Variants in TMEM63C observed in about 807,000 individuals in gnomAD.
TMEM63C encodes osmosensitive cation channel TMEM63C.
TMEM63C carries 32 observed loss-of-function variants against 99.2 expected under a neutral mutation model. The ratio of observed to expected loss-of-function variants is 0.32; its 90% CI spans 0.24 to 0.43. The LOEUF is 0.43. TMEM63C is among the 20% of genes least tolerant of loss of function. The pLI, the probability that TMEM63C is intolerant of heterozygous loss-of-function variation, is 1.00. For synonymous variants in TMEM63C, 376 were observed against 397.9 expected (o/e 0.94, Z 0.66); for missense variants, 826 against 1,053.0 (o/e 0.78, Z 2.98).
chr14:77,239,758 G>A, intron 12 of TMEM63C, 32 bp downstream of exon 12: 2 of 1,607,704 alleles, frequency 1.2e-6, no homozygotes, highest in Non-Finnish European at 1.7e-6. Flanking sequence ...AGCACAGCAA[G>A]GGAGCGGTGG....
At chr14:77,217,137 A>G (rs1876529) in intron 2 of TMEM63C, among the ~76,000 whole-genome samples, 125,927 of 150,468 alleles carry the variant, frequency 0.84, 52,598 homozygotes, top group South Asian at 0.91. Flanking sequence ...GTGAGGCTCT[A>G]TCTCTCTCTT....
Position 77,258,882 on chromosome 14 carries a change from C to G in TMEM63C, c.*2156C>G, listed in dbSNP as rs1260695990. 2.6e-5 allele frequency: 4 copies of G among 152,346 alleles called. No homozygotes were observed. The highest frequency in any genetic ancestry group is 9.6e-5 in the African/African-American group (4 of 41,458). 9.4% of individuals were successfully genotyped at this position (152,346 alleles called of 1,614,324 possible). A position where few individuals can be genotyped will look rare whatever the true frequency, so the allele number is the denominator to read the frequency against. On this transcript the variant is annotated 3_prime_UTR_variant, in exon 24 of 24. Coordinates refer to ENST00000298351, the MANE Select transcript of TMEM63C (RefSeq NM_020431.4). The stretch of plus-strand genomic sequence containing the variant: ...GTGGCGGGATGACTGGGGGCTTCTC[C>G]CTCTGAACCTGGGTCCAGTGTAGCC...
intron 8 of TMEM63C, 46 bp downstream of exon 8, chr14:77,233,546 G>A: frequency 2.5e-6 from 4 of 1,596,042 alleles, no homozygotes; most frequent in Non-Finnish European, 2.6e-6. Context: ...TGGGGGTGTT[G>A]GTGTGGAGAG....
rs774313425 is a variant in TMEM63C at position 77,233,473 on chromosome 14, G to A, written c.515G>A (p.Arg172Gln). Residue 172 changes from arginine (R) to glutamine (Q), a missense_variant, in exon 8 of 24, where the codon CGG becomes CAG. Transcript: ENST00000298351. Reference protein sequence around the residue: ...SVLDWSSHFARTTIVNVSTES... With the variant: ...SVLDWSSHFAQTTIVNVSTES... ...TCAGACTGGAGCAGTCACTTTGCTC[G>A]GACCACCATTGTCAATGTCTCCACA... 5.0e-6 allele frequency: 8 copies of A among 1,613,476 alleles called. No individual in the cohort carries two copies. The highest frequency in any genetic ancestry group is 2.2e-5 in the East Asian group (1 of 44,888).
chr14:77,253,504 T>A, intron 23 of TMEM63C, 128 bp downstream of exon 23: 1 of 887,282 alleles, frequency 1.1e-6, no homozygotes, highest in Non-Finnish European at 1.8e-6. Context: ...GGGGGACCCC[T>A]GGGCTCCCTC....
intron 1 of TMEM63C, among the ~76,000 whole-genome samples, chr14:77,188,436 G>A (rs989254922): frequency 6.6e-6 from 1 of 152,220 alleles, no homozygotes; most frequent in Admixed American, 6.5e-5. Context: ...ATTCTGGCAA[G>A]AATGCTAGTA....
At chr14:77,196,817 A>G (rs1218946387) in intron 1 of TMEM63C, among the ~76,000 whole-genome samples, 2 of 152,152 alleles carry the variant, frequency 1.3e-5, no homozygotes, top group Non-Finnish European at 2.9e-5. Flanking sequence ...ATCAGGTGTA[A>G]TCTTGTCAAA....
intron 2 of TMEM63C, among the ~76,000 whole-genome samples, chr14:77,218,588 G>A (rs1357853148): frequency 6.6e-6 from 1 of 152,228 alleles, no homozygotes; most frequent in African/African-American, 2.4e-5. Context: ...ACGAGAACCA[G>A]TCTGTCATCC....
intron 1 of TMEM63C, among the ~76,000 whole-genome samples, chr14:77,193,579 A>G (rs1888145825): frequency 6.6e-6 from 1 of 152,202 alleles, no homozygotes; most frequent in African/African-American, 2.4e-5. Flanking sequence ...TCACGCCTGT[A>G]ATCCCAGCAC....
intron 15 of TMEM63C, among the ~76,000 whole-genome samples, chr14:77,243,456 T>C (rs1889216638): frequency 6.6e-6 from 1 of 152,152 alleles, no homozygotes; most frequent in Admixed American, 6.5e-5. Flanking sequence ...AGCAGGCTCC[T>C]GGTTTGTGTA....
intron 6 of TMEM63C, 32 bp downstream of exon 6, chr14:77,225,493 G>A (rs759544787): frequency 3.5e-5 from 56 of 1,610,854 alleles, no homozygotes; most frequent in South Asian, 1.4e-4. Context: ...GCTTGTGACC[G>A]TGTTGCCTTG....
chr14:77,225,355 G>A (rs1423086605), intron 5 of TMEM63C, 69 bp from the exon 6 acceptor site: 16 of 1,520,138 alleles, frequency 1.1e-5, no homozygotes, highest in Middle Eastern at 3.5e-4. Context: ...CTGGCCGCCT[G>A]GGTTCCCAGA....
chr14:77,253,525 G>A, intron 23 of TMEM63C, 149 bp downstream of exon 23: 1 of 741,320 alleles, frequency 1.3e-6, no homozygotes, highest in South Asian at 1.6e-5. Context: ...CTCTAATGGA[G>A]CAGGACTTGG....
chr14:77,248,839 T>C lies in TMEM63C; in HGVS notation c.1837T>C (p.Tyr613His). 6.2e-7 allele frequency: 1 copy of C among 1,614,068 alleles called. No homozygotes were observed. The highest frequency in any genetic ancestry group is 8.5e-7 in the Non-Finnish European group (1 of 1,179,906). ...MMNVFSVVMA[Y>H]SITCPIIVPF... ...GAACGTGTTCAGCGTGGTGATGGCG[T>C]ACAGCATCACTTGCCCCATCATTGT... The change falls in exon 20 of 24, where the codon TAC becomes CAC. Residue 613 changes from tyrosine (Y) to histidine (H), a missense_variant. By Grantham distance (83) the Tyr-to-His change is moderately conservative (BLOSUM62 2). Transcript: ENST00000298351.
chr14:77,197,954 C>A (rs1888239058), intron 1 of TMEM63C, among the ~76,000 whole-genome samples: 1 of 152,208 alleles, frequency 6.6e-6, no homozygotes, highest in Non-Finnish European at 1.5e-5. Context: ...CATAGCCTGG[C>A]CAGGAGCGGA....
chr14:77,219,326 G>A (rs1888647998), intron 3 of TMEM63C, among the ~76,000 whole-genome samples, 172 bp from the exon 4 acceptor site: 1 of 152,142 alleles, frequency 6.6e-6, no homozygotes, highest in South Asian at 2.1e-4. Flanking sequence ...GCTGGGCGCT[G>A]GCAACCTACA....
At chr14:77,230,194 T>C (rs1888911637) in intron 6 of TMEM63C, among the ~76,000 whole-genome samples, 1 of 144,884 alleles carries the variant, frequency 6.9e-6, no homozygotes. Flanking sequence ...AGAGCAAGAC[T>C]CTGTCTCAAA....
intron 8 of TMEM63C, among the ~76,000 whole-genome samples, chr14:77,234,128 G>GC (rs1888994625): frequency 6.6e-6 from 1 of 152,160 alleles, no homozygotes; most frequent in African/African-American, 2.4e-5. Context: ...GCCAAATGTG[G>GC]CCCCGTTGGT....
chr14:77,234,845 C>T (rs775030423), intron 8 of TMEM63C, among the ~76,000 whole-genome samples: 42 of 152,208 alleles, frequency 2.8e-4, no homozygotes, highest in Non-Finnish European at 5.0e-4. Context: ...TCCCCCGAGG[C>T]CTGCAGGTAA....
Sources: allele counts gnomAD v4.1 joint callset (sites outside exome capture counted in the v4.1 genomes callset), GRCh38; gene constraint gnomAD v4.1.1; transcripts MANE v1.5; gene names NCBI Gene and HGNC (gene_info 2026-07-23, HGNC 2026-07-21).